ADCY7: variants seen among roughly 807,000 people sequenced by gnomAD.
ADCY7 encodes adenylate cyclase 7.
In ADCY7, 72 loss-of-function variants were observed where a neutral mutation model predicts 120.6. The ratio of observed to expected loss-of-function variants is 0.60; its 90% CI spans 0.49 to 0.73. The LOEUF (loss-of-function observed/expected upper bound fraction) is 0.73, where lower values mean the gene tolerates loss of function less well. ADCY7 is among the 30% of genes least tolerant of loss of function. The probability of loss-of-function intolerance (pLI) is 0.00; values close to 1 mark genes in which losing one functional copy is unlikely to be tolerated. For missense variants in ADCY7, 1,227 were observed against 1,486.0 expected (o/e 0.83, Z 2.87); for synonymous variants, 661 against 628.0 (o/e 1.05, Z -0.78).
At chr16:50,291,254 A>G (rs946749638) in intron 3 of ADCY7, among the ~76,000 whole-genome samples, 7 of 151,716 alleles carry the variant, frequency 4.6e-5, no homozygotes, top group Non-Finnish European at 8.8e-5. Context: ...GTGAGGCCCA[A>G]GGAAACCATG....
At chr16:50,306,978 C>A (rs2036109499) in intron 14 of ADCY7, 72 bp from the exon 15 acceptor site, 1 of 1,215,784 alleles carries the variant, frequency 8.2e-7, no homozygotes. Context: ...TTTTTTAAAG[C>A]TGATTCACTG....
chr16:50,299,200 C>T (rs1331614143), intron 8 of ADCY7, among the ~76,000 whole-genome samples, 169 bp downstream of exon 8: 1 of 152,240 alleles, frequency 6.6e-6, no homozygotes, highest in East Asian at 1.9e-4. Context: ...ATTCAGACTT[C>T]ATCTGTTTGC....
upstream of ADCY7, chr16:50,246,035 CCCCCAGCCCCCCG>C (rs2032572093): frequency 6.6e-6 from 1 of 150,460 alleles, no homozygotes; most frequent in Non-Finnish European, 1.5e-5. Flanking sequence ...CGCCCCCCAG[CCCCCAGCCCCCCG>C]CCCCGGCTCC....
chr16:50,265,513 C>T (rs2033179841), upstream of ADCY7, among the ~76,000 whole-genome samples: 1 of 152,230 alleles, frequency 6.6e-6, no homozygotes, highest in Non-Finnish European at 1.5e-5. Context: ...CTGTGACCAG[C>T]TGGGGCTGGA....
chr16:50,282,879 TA>T (rs1056089302), intron 1 of ADCY7, among the ~76,000 whole-genome samples: 12 of 149,846 alleles, frequency 8.0e-5, no homozygotes, highest in African/African-American at 9.8e-5. Flanking sequence ...CCTGGCTAAT[TA>T]AAAAAAAAAT....
At chr16:50,294,485 G>A (rs2035212783) in intron 6 of ADCY7, among the ~76,000 whole-genome samples, 155 bp from the exon 7 acceptor site, 2 of 152,162 alleles carry the variant, frequency 1.3e-5, no homozygotes, top group South Asian at 4.1e-4. Context: ...ATGGCTGGGC[G>A]CGACTCTCCC....
chr16:50,300,130 A>C (rs969909716), intron 8 of ADCY7, among the ~76,000 whole-genome samples: 6 of 151,966 alleles, frequency 3.9e-5, no homozygotes, highest in African/African-American at 7.3e-5. Flanking sequence ...TGTTGCCCAG[A>C]GCGTATCTCG....
At chr16:50,267,532 T>A (rs557133163) in intron 1 of ADCY7, among the ~76,000 whole-genome samples, 14 of 152,082 alleles carry the variant, frequency 9.2e-5, no homozygotes, top group Admixed American at 8.5e-4. Context: ...GTGGGCTGGA[T>A]GTGTCTGGAA....
At chr16:50,314,678 CA>C (rs905345371) in intron 24 of ADCY7, 50 of 473,138 alleles carry the variant, frequency 1.1e-4, no homozygotes, top group African/African-American at 9.0e-4. Context: ...GAGAAGGAAG[CA>C]AAGTTACTAA....
Position 50,313,171 on chromosome 16 carries a change from C to A in ADCY7, c.2751+135C>A, listed in dbSNP as rs928693531. 64 of 1,241,802 alleles carry A rather than the reference C, an allele frequency of 5.2e-5. No individual in the cohort carries two copies. The African/African-American group carries it at 8.3e-4, about 16-fold the overall frequency. The allele number at this position is 1,241,802 out of a possible 1,614,324, so 76.9% of individuals were successfully genotyped here. ...GGCAAGGTGGTCTATAATCCCAGCACTTTGGGAGGTCAAGGTGGGTGGATC... is the reference window on the plus strand; with the variant it reads ...GGCAAGGTGGTCTATAATCCCAGCAATTTGGGAGGTCAAGGTGGGTGGATC... On this transcript the variant is annotated intron_variant, in intron 22 of 25. Coordinates refer to ENST00000673801, the MANE Select transcript of ADCY7 (RefSeq NM_001114.5).
intron 6 of ADCY7, 99 bp from the exon 7 acceptor site, chr16:50,294,541 C>A: frequency 1.3e-6 from 1 of 778,268 alleles, no homozygotes; most frequent in Non-Finnish European, 2.1e-6. Context: ...GGGCTCAGGC[C>A]TGGCAGGCTC....
chr16:50,301,246 G>T (rs752345785), intron 10 of ADCY7, 32 bp downstream of exon 10: 27 of 1,543,286 alleles, frequency 1.7e-5, no homozygotes, highest in East Asian at 4.8e-5. Context: ...AGCTGGGGGG[G>T]ACCCGGAGGG....
intron 12 of ADCY7, 106 bp from the exon 13 acceptor site, chr16:50,305,397 T>C: frequency 1.0e-6 from 1 of 978,042 alleles, no homozygotes. Flanking sequence ...TCCTTCACCA[T>C]CCCACCTGAG....
intron 14 of ADCY7, 120 bp from the exon 15 acceptor site, chr16:50,306,930 A>T (rs2036105494): frequency 4.0e-6 from 3 of 749,382 alleles, no homozygotes; most frequent in Non-Finnish European, 4.4e-6. Flanking sequence ...AAGTGCTGGG[A>T]TTACAAGCGT....
intron 1 of ADCY7, among the ~76,000 whole-genome samples, chr16:50,268,070 C>T (rs1162340402): frequency 1.3e-5 from 2 of 151,826 alleles, no homozygotes; most frequent in African/African-American, 2.4e-5. Context: ...GTAGCGTCTC[C>T]GGTGGTATTT....
chr16:50,271,133 G>C (rs185938168), intron 1 of ADCY7, among the ~76,000 whole-genome samples: 1 of 152,380 alleles, frequency 6.6e-6, no homozygotes, highest in East Asian at 1.9e-4. Context: ...GAAGGGACCA[G>C]TGTTGGGGTG....
upstream of ADCY7, among the ~76,000 whole-genome samples, chr16:50,265,073 G>A (rs770922468): frequency 9.2e-5 from 14 of 152,124 alleles, no homozygotes; most frequent in Non-Finnish European, 1.3e-4. Context: ...CTGACATCAG[G>A]TGATCCGCCC....
intron 1 of ADCY7, among the ~76,000 whole-genome samples, chr16:50,280,389 C>A (rs1213356337): frequency 7.9e-5 from 10 of 127,074 alleles, no homozygotes; most frequent in South Asian, 5.1e-4. Flanking sequence ...AAAAAAAAAA[C>A]AACTCCTGGA....
At chr16:50,302,379 C>T (rs1018724893) in intron 10 of ADCY7, among the ~76,000 whole-genome samples, 16 of 152,214 alleles carry the variant, frequency 1.1e-4, no homozygotes, top group Admixed American at 7.2e-4. Flanking sequence ...ATGAGTGAAG[C>T]AGAGCTCCTC....
Sources: allele counts gnomAD v4.1 joint callset (sites outside exome capture counted in the v4.1 genomes callset), GRCh38; gene constraint gnomAD v4.1.1; transcripts MANE v1.5; gene names NCBI Gene and HGNC (gene_info 2026-07-23, HGNC 2026-07-21).